The following ME2 variants were observed in gnomAD, a reference collection of about 807,000 sequenced individuals.
ME2 encodes the protein malic enzyme 2.
ME2 carries 60 observed loss-of-function variants against 73.7 expected under a neutral mutation model. The observed-to-expected ratio is 0.81, with a 90% CI of 0.66 to 1.01. ME2 has a LOEUF of 1.01. ME2 is among the 50% of genes least tolerant of loss of function. ME2 has a pLI of 0.00. For synonymous variants in ME2, 199 were observed against 236.9 expected, an observed-to-expected ratio of 0.84 and a Z score of 1.47; for missense variants, 594 against 705.5, an observed-to-expected ratio of 0.84 and a Z score of 1.79.
chr18:50,880,849 G>C (rs891093150), intron 1 of ME2, among the ~76,000 whole-genome samples: 1 of 152,052 alleles, frequency 6.6e-6, no homozygotes. Flanking sequence ...ACCCTTAGAG[G>C]GTGTTTATAT....
Position 50,953,548 on chromosome 18 carries a change from C to CA in ME2, c.*6369dup, listed in dbSNP as rs995845701. 2.0e-5 allele frequency: 3 copies of CA among 152,118 alleles called. No homozygotes were observed. Among genetic ancestry groups the CA allele is most frequent in the Non-Finnish European group, 4.4e-5 (3 of 68,022 alleles). The allele number at this position is 152,118 out of a possible 1,614,324, so 9.4% of individuals were successfully genotyped here. On this transcript the variant is annotated 3_prime_UTR_variant, in exon 16 of 16. Coordinates refer to ENST00000321341, the MANE Select transcript of ME2 (RefSeq NM_002396.5). ...TGGTGTTGAATTTAATAAATTACAC[C>CA]AAAAAGTCTCAGTAGCCAATTCACT...
chr18:50,881,644 T>C (rs1568155332), intron 1 of ME2, among the ~76,000 whole-genome samples: 1 of 152,354 alleles, frequency 6.6e-6, no homozygotes, highest in East Asian at 1.9e-4. Flanking sequence ...GACTTTGAGA[T>C]TTGATTTGAA....
chr18:50,909,436 C>A (rs1917094942), intron 3 of ME2, among the ~76,000 whole-genome samples: 1 of 152,164 alleles, frequency 6.6e-6, no homozygotes, highest in South Asian at 2.1e-4. Context: ...TCTAGCTCAA[C>A]TTGGGGAATC....
At chr18:50,913,651 T>C (rs1917211587) in intron 4 of ME2, among the ~76,000 whole-genome samples, 2 of 152,094 alleles carry the variant, frequency 1.3e-5, no homozygotes, top group South Asian at 4.1e-4. Flanking sequence ...CTTTTTTTAA[T>C]GAATTTTCAT....
intron 11 of ME2, among the ~76,000 whole-genome samples, chr18:50,925,094 G>A (rs1917518018): frequency 6.6e-6 from 1 of 151,382 alleles, no homozygotes; most frequent in African/African-American, 2.4e-5. Flanking sequence ...CTTTGTGACT[G>A]GCTAATTTTA....
rs1917392251 is a variant in ME2 at position 50,920,337 on chromosome 18, G to A, written c.735-119G>A. On this transcript the variant is annotated intron_variant, in intron 7 of 15. Transcript: ENST00000321341. Reference sequence around the variant, plus strand: ...TCACAGGCTCTGAAATTTTTCAGATGGCCTTAATTGAACTAACATAATACA... The same window carrying A: ...TCACAGGCTCTGAAATTTTTCAGATAGCCTTAATTGAACTAACATAATACA... 7.7e-6 allele frequency: 5 copies of A among 648,054 alleles called. No homozygotes were observed. In the East Asian group the frequency reaches 1.7e-4, roughly 21 times the overall value. 40.1% of individuals were successfully genotyped at this position (648,054 alleles called of 1,614,324 possible).
At position 50,937,163 on chromosome 18, in the gene ME2, G is replaced by GA. The variant is rs138577806; in HGVS notation, c.1418-2395dup. Among the ~76,000 whole-genome samples the GA allele has an allele frequency of 2.6e-3, 370 of 142,378 alleles. 1 individual carries two copies. The highest frequency in any genetic ancestry group is 3.6e-3 in the South Asian group (16 of 4,482). 93.4% of individuals were successfully genotyped at this position (142,378 alleles called of 152,430 possible). ...GGGGCTAAATCTGCCCCAATTACTTGAAAAAAAAAAAACTAAAAGTAAAAG... is the reference window on the plus strand; with the variant it reads ...GGGGCTAAATCTGCCCCAATTACTTGAAAAAAAAAAAAACTAAAAGTAAAAG... On this transcript the variant is annotated intron_variant, in intron 13 of 15. Coordinates refer to ENST00000321341, the MANE Select transcript of ME2 (RefSeq NM_002396.5).
At chr18:50,942,072 T>A (rs910461499) in intron 15 of ME2, among the ~76,000 whole-genome samples, 2 of 151,896 alleles carry the variant, frequency 1.3e-5, no homozygotes, top group Non-Finnish European at 2.9e-5. Flanking sequence ...GTGGATTCTC[T>A]CCTCACCTTT....
chr18:50,890,349 A>G (rs1916577835), intron 1 of ME2, among the ~76,000 whole-genome samples: 1 of 152,140 alleles, frequency 6.6e-6, no homozygotes, highest in African/African-American at 2.4e-5. Context: ...CCTGAGCTCA[A>G]GTGATCCACC....
intron 1 of ME2, among the ~76,000 whole-genome samples, chr18:50,881,548 G>T (rs944079083): frequency 1.3e-5 from 2 of 152,280 alleles, no homozygotes; most frequent in South Asian, 4.1e-4. Context: ...AATTTCAAAA[G>T]TGATAAAAAA....
At chr18:50,885,258 A>C (rs1006280694) in intron 1 of ME2, among the ~76,000 whole-genome samples, 1 of 152,232 alleles carries the variant, frequency 6.6e-6, no homozygotes, top group African/African-American at 2.4e-5. Context: ...GTGATGGCTC[A>C]TGCCTCTAAT....
At chr18:50,920,886 T>G in intron 9 of ME2, 128 bp downstream of exon 9, 1 of 751,618 alleles carries the variant, frequency 1.3e-6, no homozygotes, top group South Asian at 2.0e-5. Context: ...GGATATGAAA[T>G]CAAGAGTTCT....
intron 12 of ME2, among the ~76,000 whole-genome samples, chr18:50,927,347 G>A (rs550684134): frequency 3.3e-5 from 5 of 152,036 alleles, no homozygotes; most frequent in African/African-American, 7.2e-5. Context: ...TTAAAACAAC[G>A]TTTTTTATAG....
At chr18:50,913,044 A>C in intron 4 of ME2, 94 bp downstream of exon 4, 1 of 1,169,698 alleles carries the variant, frequency 8.5e-7, no homozygotes, top group Admixed American at 2.8e-5. Flanking sequence ...TATGTTTGTT[A>C]GCCAAATCAC....
At chr18:50,895,688 A>G in intron 1 of ME2, 121 bp from the exon 2 acceptor site, 1 of 642,068 alleles carries the variant, frequency 1.6e-6, no homozygotes. Flanking sequence ...GCCTCTTGTT[A>G]CCTTTTTAAA....
chr18:50,885,765 A>G (rs532445804), intron 1 of ME2, among the ~76,000 whole-genome samples: 1 of 152,304 alleles, frequency 6.6e-6, no homozygotes, highest in East Asian at 1.9e-4. Flanking sequence ...ACATGTATAT[A>G]TAATTTGTAC....
At chr18:50,929,937 T>C (rs937072758) in intron 12 of ME2, among the ~76,000 whole-genome samples, 3 of 152,174 alleles carry the variant, frequency 2.0e-5, no homozygotes, top group African/African-American at 4.8e-5. Flanking sequence ...TTGTTTTTTG[T>C]ATAAATATTA....
chr18:50,898,026 G>C (rs1202895515), intron 2 of ME2, among the ~76,000 whole-genome samples: 2 of 152,166 alleles, frequency 1.3e-5, no homozygotes, highest in African/African-American at 2.4e-5. Flanking sequence ...ACATAGACCA[G>C]TGATTCCCAA....
In ME2 at chr18:50,938,578, A is replaced by G. The variant is rs569344868; in HGVS notation, c.1418-992A>G. 1.1e-4 allele frequency among the ~76,000 whole-genome samples: 17 copies of G among 152,340 alleles called. No individual in the cohort carries two copies. The South Asian group carries it at 1.5e-3, about 13-fold the overall frequency. ...AAATGCAAGATTTCAAAAAATATATATCTCCCATGCACTGTTCTTCAGAAA... is the reference window on the plus strand; with the variant it reads ...AAATGCAAGATTTCAAAAAATATATGTCTCCCATGCACTGTTCTTCAGAAA... On this transcript the variant is annotated intron_variant, in intron 13 of 15. Transcript: ENST00000321341.
Sources: allele counts gnomAD v4.1 joint callset (sites outside exome capture counted in the v4.1 genomes callset), GRCh38; gene constraint gnomAD v4.1.1; transcripts MANE v1.5; gene names NCBI Gene and HGNC (gene_info 2026-07-23, HGNC 2026-07-21).